MAN1A2: variants seen among roughly 807,000 people sequenced by gnomAD.
The protein encoded by MAN1A2 is mannosidase alpha class 1A member 2.
In MAN1A2, 26 loss-of-function variants were observed where a neutral mutation model predicts 75.7. That is an observed-to-expected ratio of 0.34 (90% confidence interval 0.25 to 0.48). The LOEUF (loss-of-function observed/expected upper bound fraction) is 0.48. Among genes scored for constraint, MAN1A2 ranks in the 20% least tolerant of loss-of-function variants. MAN1A2 has a pLI of 0.99. For synonymous variants in MAN1A2, 247 were observed against 264.6 expected (o/e 0.93, Z 0.65); for missense variants, 562 against 775.5 (o/e 0.72, Z 3.27).
chr1:117,502,090 C>T (rs1230084747), intron 11 of MAN1A2, among the ~76,000 whole-genome samples: 1 of 151,642 alleles, frequency 6.6e-6, no homozygotes, highest in Non-Finnish European at 1.5e-5. Context: ...AATTTTAACT[C>T]TCAGTCAAGC....
intron 7 of MAN1A2, among the ~76,000 whole-genome samples, chr1:117,463,726 T>G (rs1268292782): frequency 6.8e-6 from 1 of 147,850 alleles, no homozygotes; most frequent in Non-Finnish European, 1.5e-5. Flanking sequence ...AAAAAAAAAG[T>G]CACCATGAGT....
At chr1:117,496,667 C>A in intron 9 of MAN1A2, 96 bp from the exon 10 acceptor site, 1 of 852,150 alleles carries the variant, frequency 1.2e-6, no homozygotes, top group Non-Finnish European at 1.9e-6. Flanking sequence ...TATAGACTAT[C>A]ATATTACCCA....
chr1:117,417,534 A>ATATATATATATATATATATAT (rs1648033932), intron 4 of MAN1A2, among the ~76,000 whole-genome samples: 1 of 89,216 alleles, frequency 1.1e-5, no homozygotes, highest in Non-Finnish European at 2.2e-5. Context: ...CTTGAGTTTA[A>ATATATATATATATATATATAT]ATATATATAT....
At chr1:117,431,217 GGGGGAGGGGGA>G (rs1335021188) in intron 5 of MAN1A2, among the ~76,000 whole-genome samples, 3 of 53,078 alleles carry the variant, frequency 5.7e-5, no homozygotes, top group African/African-American at 2.2e-4. Flanking sequence ...GGGAGGGGGA[GGGGGAGGGGGA>G]GGGGGGAGGC....
chr1:117,386,462 G>T (rs907740368), intron 1 of MAN1A2, among the ~76,000 whole-genome samples: 1 of 152,034 alleles, frequency 6.6e-6, no homozygotes, highest in African/African-American at 2.4e-5. Context: ...GTGCCTTGGT[G>T]GTTGTGCACA....
intron 5 of MAN1A2, among the ~76,000 whole-genome samples, chr1:117,421,212 G>A (rs1648176763): frequency 6.6e-6 from 1 of 152,066 alleles, no homozygotes; most frequent in Admixed American, 6.6e-5. Flanking sequence ...AGGTTGAAGA[G>A]TGGGAGAAAG....
intron 6 of MAN1A2, among the ~76,000 whole-genome samples, chr1:117,453,030 A>G (rs1333922919): frequency 6.6e-6 from 1 of 152,218 alleles, no homozygotes; most frequent in African/African-American, 2.4e-5. Flanking sequence ...GTGGTCTGTA[A>G]GTGGAACAAC....
chr1:117,437,022 T>C (rs1286757649), intron 5 of MAN1A2, among the ~76,000 whole-genome samples: 6 of 152,190 alleles, frequency 3.9e-5, no homozygotes, highest in Admixed American at 6.5e-5. Context: ...TCTCTTTGTG[T>C]TAACCCTCAG....
chr1:117,402,110 CTTTATGTTTTATA>C, intron 1 of MAN1A2, 63 bp from the exon 2 acceptor site: 2 of 1,434,110 alleles, frequency 1.4e-6, no homozygotes, highest in Non-Finnish European at 1.9e-6. Context: ...ATGGAGAAAC[CTTTATGTTTTATA>C]TTTAAAGGTT....
intron 6 of MAN1A2, among the ~76,000 whole-genome samples, chr1:117,459,859 G>T (rs1027967061): frequency 6.6e-6 from 1 of 152,052 alleles, no homozygotes; most frequent in Non-Finnish European, 1.5e-5. Flanking sequence ...CACTATCATC[G>T]TTTGGTGCAA....
intron 4 of MAN1A2, among the ~76,000 whole-genome samples, chr1:117,418,688 T>C (rs1392647644): frequency 1.3e-5 from 2 of 152,170 alleles, no homozygotes; most frequent in Non-Finnish European, 1.5e-5. Context: ...ACTTACATTT[T>C]CATCAAGTTT....
intron 12 of MAN1A2, among the ~76,000 whole-genome samples, chr1:117,510,357 A>G (rs576519927): frequency 1.3e-5 from 2 of 152,062 alleles, no homozygotes; most frequent in African/African-American, 2.4e-5. Flanking sequence ...TTAAAATCAG[A>G]TGGGTATTCT....
rs1412051389 is a variant in MAN1A2, at chr1:117,422,618, T to C, written c.855+1969T>C. Among the ~76,000 whole-genome samples, 4 of 152,128 alleles carry C rather than the reference T, an allele frequency of 2.6e-5. No homozygotes were observed. In the East Asian group the frequency reaches 7.7e-4, roughly 29 times the overall value. On this transcript the variant is annotated intron_variant, in intron 5 of 12. Transcript: ENST00000356554. ...TCTTTATTATTGTTAGCCATTCTAA[T>C]AGATACATAGTAGTATCTCATTGTG...
chr1:117,459,336 T>G (rs1036613011), intron 6 of MAN1A2, among the ~76,000 whole-genome samples: 2 of 152,094 alleles, frequency 1.3e-5, no homozygotes, highest in African/African-American at 4.8e-5. Flanking sequence ...CAAGCAAGAC[T>G]CAAAGAAACC....
At chr1:117,432,663 T>G (rs1217070948) in intron 5 of MAN1A2, among the ~76,000 whole-genome samples, 1 of 152,134 alleles carries the variant, frequency 6.6e-6, no homozygotes, top group African/African-American at 2.4e-5. Context: ...ATGGCTTTAT[T>G]GGTGAATTAT....
intron 5 of MAN1A2, among the ~76,000 whole-genome samples, chr1:117,422,333 C>G (rs1389812024): frequency 6.6e-6 from 1 of 151,978 alleles, no homozygotes; most frequent in African/African-American, 2.4e-5. Context: ...TTCCTTTTTA[C>G]TGTATTACAG....
intron 11 of MAN1A2, among the ~76,000 whole-genome samples, chr1:117,501,089 C>A (rs1210101346): frequency 6.6e-6 from 1 of 151,564 alleles, no homozygotes; most frequent in Non-Finnish European, 1.5e-5. Flanking sequence ...TCCTAATGTC[C>A]TTTTTTCCTG....
At chr1:117,490,459 G>A (rs531017450) in intron 8 of MAN1A2, among the ~76,000 whole-genome samples, 1 of 152,006 alleles carries the variant, frequency 6.6e-6, no homozygotes, top group Non-Finnish European at 1.5e-5. Flanking sequence ...AAATTATGTT[G>A]TGTGTGTTCT....
rs1273267313 is a variant in MAN1A2 at position 117,420,650 on chromosome 1, G to A, written c.855+1G>A. 6.2e-7 allele frequency: 1 copy of A among 1,609,974 alleles called. No individual in the cohort carries two copies. On this transcript the variant is annotated splice_donor_variant, in intron 5 of 12. Coordinates refer to ENST00000356554, the MANE Select transcript of MAN1A2 (RefSeq NM_006699.5). LOFTEE classifies it high-confidence loss of function. ...AGCATATTACCTATCAGGAGAGGAG[G>A]TGAGCAAAATCAAGCAATGCATTGT...
Sources: gnomAD v4.1 joint callset for allele counts (sites outside exome capture counted in the v4.1 genomes callset) on GRCh38, gnomAD v4.1.1 for gene constraint, MANE v1.5 for transcripts, NCBI Gene and HGNC (gene_info 2026-07-23, HGNC 2026-07-21) for gene names.